The following ULK4 variants were observed in gnomAD, a reference collection of about 807,000 sequenced individuals.
ULK4 encodes inactive serine/threonine-protein kinase ULK4.
ULK4 carries 133 observed loss-of-function variants against 160.6 expected under a neutral mutation model. The observed-to-expected ratio is 0.83, with a 90% confidence interval of 0.72 to 0.96. The LOEUF (loss-of-function observed/expected upper bound fraction) is 0.96, where lower values mean the gene tolerates loss of function less well. Ranked by LOEUF, ULK4 falls within the 40% of genes least tolerant of loss-of-function variation. The probability of loss-of-function intolerance (pLI) is 0.00; values close to 1 mark genes in which losing one functional copy is unlikely to be tolerated. For missense variants in ULK4, 1,580 were observed against 1,499.5 expected (o/e 1.05, Z -0.89); for synonymous variants, 534 against 539.8 (o/e 0.99, Z 0.15).
intron 32 of ULK4, among the ~76,000 whole-genome samples, chr3:41,493,879 G>A (rs1174967386): frequency 2.7e-5 from 4 of 146,922 alleles, no homozygotes; most frequent in Non-Finnish European, 3.0e-5. Context: ...ACTAAACCAG[G>A]AAGAAGTTGA....
intron 34 of ULK4, among the ~76,000 whole-genome samples, chr3:41,414,644 A>AT (rs1440929770): frequency 6.6e-6 from 1 of 152,224 alleles, no homozygotes; most frequent in African/African-American, 2.4e-5. Flanking sequence ...AGACTCGTCT[A>AT]TTTTGTTAGG....
intron 32 of ULK4, among the ~76,000 whole-genome samples, chr3:41,521,091 G>T (rs10049405): frequency 0.3 from 46,270 of 152,106 alleles, 7,260 homozygotes; most frequent in Non-Finnish European, 0.33. Context: ...AGGGAGCCAT[G>T]AAATGGAAGA....
chr3:41,849,888 G>C (rs191004291), intron 17 of ULK4, among the ~76,000 whole-genome samples: 1 of 152,088 alleles, frequency 6.6e-6, no homozygotes, highest in Non-Finnish European at 1.5e-5. Flanking sequence ...ATGTATACAT[G>C]TGACATGTTG....
chr3:41,844,092 C>T (rs917381739), intron 17 of ULK4, among the ~76,000 whole-genome samples: 3 of 152,246 alleles, frequency 2.0e-5, no homozygotes, highest in African/African-American at 7.2e-5. Context: ...GACTCGGGAG[C>T]ACCGCTGGCT....
chr3:41,812,542 G>C (rs2040848037), intron 19 of ULK4, among the ~76,000 whole-genome samples: 1 of 152,200 alleles, frequency 6.6e-6, no homozygotes, highest in African/African-American at 2.4e-5. Context: ...GGATTTCAGA[G>C]ATCTTGAGCT....
intron 31 of ULK4, among the ~76,000 whole-genome samples, chr3:41,569,335 CAAGCCACCATCCTG>C (rs1243024756): frequency 6.6e-6 from 1 of 152,092 alleles, no homozygotes. Context: ...TTTCAGGTGA[CAAGCCACCATCCTG>C]AAGCTACCCT....
intron 2 of ULK4, among the ~76,000 whole-genome samples, chr3:41,941,762 A>AAAAAAAAAAAAAAAAAAAAG: frequency 6.9e-6 from 1 of 145,844 alleles, no homozygotes. Flanking sequence ...TCTCAAAAAA[A>AAAAAAAAAAAAAAAAAAAAG]AAAAAAAAAA....
At chr3:41,326,893 C>T (rs1353280232) in intron 35 of ULK4, among the ~76,000 whole-genome samples, 1 of 152,184 alleles carries the variant, frequency 6.6e-6, no homozygotes, top group Admixed American at 6.5e-5. Flanking sequence ...CCCTTTTCAT[C>T]CCATTAAGAA....
chr3:41,649,829 T>C (rs1232342561), intron 30 of ULK4, among the ~76,000 whole-genome samples: 2 of 152,236 alleles, frequency 1.3e-5, no homozygotes, highest in African/African-American at 2.4e-5. Flanking sequence ...AAGCCAGGGA[T>C]AGCCTGAAGC....
chr3:41,905,390 A>G (rs1462229003), intron 12 of ULK4, among the ~76,000 whole-genome samples: 3 of 152,248 alleles, frequency 2.0e-5, no homozygotes, highest in South Asian at 2.1e-4. Context: ...CTCTTAGAAG[A>G]AAACATAGGC....
chr3:41,591,437 T>C (rs1211254784), intron 31 of ULK4, among the ~76,000 whole-genome samples: 1 of 151,438 alleles, frequency 6.6e-6, no homozygotes, highest in Non-Finnish European at 1.5e-5. Context: ...TGGGCCACAC[T>C]GGAAGAAGAA....
intron 30 of ULK4, among the ~76,000 whole-genome samples, chr3:41,633,981 C>T (rs1559447285): frequency 6.6e-6 from 1 of 152,168 alleles, no homozygotes. Flanking sequence ...CCTCATTCTA[C>T]AATAGAGAAA....
At chr3:41,427,226 C>A (rs1211640061) in intron 34 of ULK4, among the ~76,000 whole-genome samples, 4 of 152,116 alleles carry the variant, frequency 2.6e-5, no homozygotes, top group Non-Finnish European at 5.9e-5. Context: ...GAAATTGAAT[C>A]CCTGAGTAGA....
rs1432398476 is a variant in ULK4, at chr3:41,828,877, G to A, written c.1764+6987C>T. ...AAAAGAACAAAGCTGGAGGCATCAC[G>A]CTACCTGACTTCAAACTATACTACA... On this transcript the variant is annotated intron_variant, in intron 18 of 36. Coordinates refer to ENST00000301831, the MANE Select transcript of ULK4 (RefSeq NM_017886.4). Among the ~76,000 whole-genome samples the A allele has an allele frequency of 1.1e-4, 17 of 152,026 alleles. No individual in the cohort carries two copies. The East Asian group carries it at 2.3e-3, about 21-fold the overall frequency.
At chr3:41,851,033 T>C (rs998205869) in intron 17 of ULK4, among the ~76,000 whole-genome samples, 1 of 152,224 alleles carries the variant, frequency 6.6e-6, no homozygotes, top group Non-Finnish European at 1.5e-5. Context: ...CAGGGACAAT[T>C]TGACTTCCTC....
chr3:41,923,730 G>C (rs139374311), intron 5 of ULK4, among the ~76,000 whole-genome samples: 2 of 152,298 alleles, frequency 1.3e-5, no homozygotes, highest in East Asian at 3.9e-4. Context: ...AGAACAGAGA[G>C]GCAATCAGGG....
In ULK4 at chr3:41,883,934, G is replaced by A. The variant is rs761201676; in HGVS notation, c.1596C>T (p.His532=). 8.1e-6 allele frequency: 13 copies of A among 1,610,202 alleles called. No individual in the cohort carries two copies. In the East Asian group the frequency reaches 8.9e-5, roughly 11 times the overall value. ...TGTGCGAAGCCAGTAAACCAATTAC[G>A]TGAGCAACCTTGGCCCGTCTGTAAA... ...PNWDIRAKVA[H]VIGLLASHTA... Residue 532 remains histidine, a synonymous_variant, in exon 17 of 37, where the codon CAC becomes CAT. Transcript: ENST00000301831.
chr3:41,856,512 A>AATATATATATAT (rs376773321), intron 17 of ULK4, among the ~76,000 whole-genome samples: 145 of 98,954 alleles, frequency 1.5e-3, no homozygotes, highest in Non-Finnish European at 2.4e-3. Context: ...TAAATAAATA[A>AATATATATATAT]ATATATATAT....
intron 32 of ULK4, among the ~76,000 whole-genome samples, chr3:41,522,797 A>T (rs1483912340): frequency 6.6e-6 from 1 of 152,234 alleles, no homozygotes. Flanking sequence ...GTTCCAAAGC[A>T]AAAGGATCTG....
Sources: gnomAD v4.1 joint callset for allele counts (sites outside exome capture counted in the v4.1 genomes callset) on GRCh38, gnomAD v4.1.1 for gene constraint, MANE v1.5 for transcripts, NCBI Gene and HGNC (gene_info 2026-07-23, HGNC 2026-07-21) for gene names.